Variants in GALP observed in about 807,000 individuals in gnomAD.
GALP encodes the protein galanin like peptide.
A neutral mutation model predicts 15.2 loss-of-function variants in GALP; 12 were observed. That is an observed-to-expected ratio of 0.79 (90% confidence interval 0.51 to 1.28). The LOEUF (loss-of-function observed/expected upper bound fraction) is 1.28. Among genes scored for constraint, GALP ranks in the 50% most tolerant of loss-of-function variants. GALP has a pLI of 0.00. For missense variants in GALP, 161 were observed against 145.6 expected, an observed-to-expected ratio of 1.11 and a Z score of -0.55; for synonymous variants, 58 against 55.1, an observed-to-expected ratio of 1.05 and a Z score of -0.23.
chr19:56,177,294 T>C, intron 2 of GALP, 99 bp downstream of exon 2: 2 of 977,460 alleles, frequency 2.0e-6, no homozygotes, highest in Admixed American at 2.2e-5. Flanking sequence ...TCAAGGGTCC[T>C]GGGGAAGAAG....
At chr19:56,180,911 CTTTCTT>C (rs1425993193) in intron 3 of GALP, among the ~76,000 whole-genome samples, 15 of 90,688 alleles carry the variant, frequency 1.7e-4, no homozygotes, top group African/African-American at 5.8e-4. Flanking sequence ...TTCTTTCTTT[CTTTCTT>C]TTTTTTTTTT....
At chr19:56,179,308 C>G (rs1357252935) in intron 2 of GALP, among the ~76,000 whole-genome samples, 4 of 125,342 alleles carry the variant, frequency 3.2e-5, no homozygotes, top group African/African-American at 1.5e-4. Flanking sequence ...GAGCCTCTTT[C>G]TTTCTTTTTT....
At chr19:56,184,120 T>C (rs748687302) in intron 5 of GALP, among the ~76,000 whole-genome samples, 1 of 151,910 alleles carries the variant, frequency 6.6e-6, no homozygotes, top group African/African-American at 2.4e-5. Flanking sequence ...CACATCCGGC[T>C]AATTTTGGTA....
chr19:56,182,977 A>AG (rs1436215040), intron 4 of GALP, among the ~76,000 whole-genome samples, 158 bp from the exon 5 acceptor site: 2 of 152,132 alleles, frequency 1.3e-5, no homozygotes, highest in East Asian at 3.9e-4. Flanking sequence ...CCGAGTACCC[A>AG]GTGGTTATTC....
Position 56,177,263 on chromosome 19 carries a change from T to TA in GALP, c.87+73dup, listed in dbSNP as rs1177988592. On this transcript the variant is annotated intron_variant, in intron 2 of 5. Coordinates refer to ENST00000357330, the MANE Select transcript of GALP (RefSeq NM_033106.4). ...ATCCCTGCCCTCTGGGAAGAGTTTTTAAAAATGCTTCTGGCTTGTGTCAAG... is the reference window on the plus strand; with the variant it reads ...ATCCCTGCCCTCTGGGAAGAGTTTTTAAAAAATGCTTCTGGCTTGTGTCAAG... 9.9e-6 allele frequency: 13 copies of TA among 1,311,338 alleles called. No homozygotes were observed. In the African/African-American group the frequency reaches 1.6e-4, roughly 16 times the overall value. 81.2% of individuals were successfully genotyped at this position (1,311,338 alleles called of 1,614,324 possible). A position where few individuals can be genotyped will look rare whatever the true frequency, so the allele number is the denominator to read the frequency against.
intron 3 of GALP, among the ~76,000 whole-genome samples, chr19:56,181,220 C>T (rs58450182): frequency 0.057 from 8,609 of 151,772 alleles, 804 homozygotes; most frequent in African/African-American, 0.2. Context: ...TGAGCCACCA[C>T]ACCTGGCTGC....
chr19:56,183,594 C>T (rs1295305691), intron 5 of GALP, among the ~76,000 whole-genome samples: 1 of 151,938 alleles, frequency 6.6e-6, no homozygotes, highest in Non-Finnish European at 1.5e-5. Context: ...GGTTCAATTT[C>T]ATTTATTTAT....
intron 2 of GALP, 140 bp from the exon 3 acceptor site, chr19:56,180,446 A>T (rs1568577908): frequency 6.0e-6 from 4 of 668,038 alleles, no homozygotes; most frequent in Non-Finnish European, 1.1e-5. Flanking sequence ...CAATTTCCTC[A>T]TCGGTGCAAT....
rs150509577 is a variant in GALP at position 56,180,867 on chromosome 19, C to A, written c.136+233C>A. On this transcript the variant is annotated intron_variant, in intron 3 of 5. Transcript: ENST00000357330. ...CCCTTGCTTGGTTTGCAACCTTGAT[C>A]TCTCTCTCTCTCGCTCTCTCACTCT... 7.4e-3 allele frequency among the ~76,000 whole-genome samples: 1,084 copies of A among 147,222 alleles called. 19 individuals carry two copies. Among genetic ancestry groups the A allele is most frequent in the African/African-American group, 0.026 (1,028 of 40,208 alleles).
At chr19:56,176,609 C>T (rs2903860) in intron 1 of GALP, among the ~76,000 whole-genome samples, 11 of 82,990 alleles carry the variant, frequency 1.3e-4, no homozygotes, top group African/African-American at 3.0e-4. Context: ...CCAGCTGCAC[C>T]GGGGTGAGAG....
In GALP at chr19:56,182,216, A is replaced by G; in HGVS notation, c.181A>G (p.Thr61Ala). The G allele has an allele frequency of 6.2e-7, 1 of 1,613,928 alleles. No homozygotes were observed. Among genetic ancestry groups the G allele is most frequent in the South Asian group, 1.1e-5 (1 of 91,070 alleles). The change falls in exon 4 of 6, where the codon ACA (threonine) becomes GCA (alanine). Residue 61 changes from threonine to alanine, a missense_variant. Coordinates refer to ENST00000357330, the MANE Select transcript of GALP (RefSeq NM_033106.4). ...QMGDQDGKRE[T>A]ALEILDLWKA... Reference sequence around the variant, plus strand: ...GGGTGACCAAGACGGAAAGAGGGAGACAGCCCTTGAGATCCTAGACCTGTG... The same window carrying G: ...GGGTGACCAAGACGGAAAGAGGGAGGCAGCCCTTGAGATCCTAGACCTGTG...
chr19:56,184,186 T>C lies in GALP; in HGVS notation c.295+974T>C, dbSNP rs142909218. Among the ~76,000 whole-genome samples the C allele has an allele frequency of 2.0e-3, 297 of 151,764 alleles. 4 individuals carry two copies. Among genetic ancestry groups the C allele is most frequent in the African/African-American group, 6.8e-3 (280 of 41,390 alleles). ...AGCCAGGCTGGTATCCAACTCCTGA[T>C]CTCAGGTGATCTGCCCGCCTTGGCC... is the stretch of plus-strand genomic sequence containing the variant. On this transcript the variant is annotated intron_variant, in intron 5 of 5. Coordinates refer to ENST00000357330, the MANE Select transcript of GALP (RefSeq NM_033106.4).
intron 5 of GALP, among the ~76,000 whole-genome samples, chr19:56,184,519 T>C (rs952891769): frequency 1.4e-5 from 2 of 142,314 alleles, no homozygotes; most frequent in African/African-American, 5.3e-5. Context: ...AGTCTCGCTC[T>C]GTCTCCCAGG....
At chr19:56,180,682 G>T in intron 3 of GALP, 48 bp downstream of exon 3, 1 of 1,503,072 alleles carries the variant, frequency 6.7e-7, no homozygotes, top group Non-Finnish European at 9.3e-7. Flanking sequence ...GAGTCTGCCT[G>T]GTTGCTGCAG....
intron 5 of GALP, among the ~76,000 whole-genome samples, chr19:56,184,205 C>CT (rs2032616358): frequency 6.6e-6 from 1 of 152,154 alleles, no homozygotes; most frequent in Non-Finnish European, 1.5e-5. Context: ...ATCTGCCCGC[C>CT]TTGGCCTCCC....
chr19:56,180,964 C>T (rs2122166907), intron 3 of GALP, among the ~76,000 whole-genome samples: 1 of 131,830 alleles, frequency 7.6e-6, no homozygotes, highest in African/African-American at 2.9e-5. Context: ...GTTGCCCAGG[C>T]TGGAGTGCAA....
At chr19:56,179,184 AAAATAAAT>A (rs753762970) in intron 2 of GALP, among the ~76,000 whole-genome samples, 9 of 150,080 alleles carry the variant, frequency 6.0e-5, no homozygotes, top group Non-Finnish European at 1.0e-4. Flanking sequence ...ACTCCATCTC[AAAATAAAT>A]AAATAAATAA....
Position 56,177,247 on chromosome 19 carries a change from C to T in GALP, c.87+52C>T, listed in dbSNP as rs751859996. On this transcript the variant is annotated intron_variant, in intron 2 of 5. Coordinates refer to ENST00000357330, the MANE Select transcript of GALP (RefSeq NM_033106.4). The stretch of plus-strand genomic sequence containing the variant: ...ACAACAGTGTCCCCAAATCCCTGCC[C>T]TCTGGGAAGAGTTTTTAAAAATGCT... The T allele has an allele frequency of 7.0e-6, 10 of 1,436,428 alleles. No homozygotes were observed. The Admixed American group carries it at 1.5e-4, about 22-fold the overall frequency. The allele number at this position is 1,436,428 out of a possible 1,614,324, so 89.0% of individuals were successfully genotyped here.
At chr19:56,180,349 C>A (rs1268374212) in intron 2 of GALP, among the ~76,000 whole-genome samples, 1 of 152,218 alleles carries the variant, frequency 6.6e-6, no homozygotes, top group Non-Finnish European at 1.5e-5. Context: ...TCCTTCCCCC[C>A]AGCCCCCAAT....
Sources: allele counts gnomAD v4.1 joint callset (sites outside exome capture counted in the v4.1 genomes callset), GRCh38; gene constraint gnomAD v4.1.1; transcripts MANE v1.5; gene names NCBI Gene and HGNC (gene_info 2026-07-23, HGNC 2026-07-21).